MKLN1: variants seen among roughly 807,000 people sequenced by gnomAD.
MKLN1 encodes the protein muskelin 1.
In MKLN1, 18 loss-of-function variants were observed where a neutral mutation model predicts 99.0. The ratio of observed to expected loss-of-function variants is 0.18; its 90% CI spans 0.13 to 0.27. The LOEUF (loss-of-function observed/expected upper bound fraction) is 0.27, where lower values mean the gene tolerates loss of function less well. Ranked by LOEUF, MKLN1 falls within the 10% of genes least tolerant of loss-of-function variation. MKLN1 has a pLI of 1.00. For missense variants in MKLN1, 621 were observed against 875.9 expected (o/e 0.71, Z 3.67); for synonymous variants, 288 against 293.2 (o/e 0.98, Z 0.18).
intron 1 of MKLN1, among the ~76,000 whole-genome samples, chr7:131,352,428 A>C (rs898362099): frequency 6.6e-6 from 1 of 152,156 alleles, no homozygotes; most frequent in Non-Finnish European, 1.5e-5. Flanking sequence ...CTAGGAAATA[A>C]ATTTTTTTAA....
intron 1 of MKLN1, among the ~76,000 whole-genome samples, chr7:131,136,272 C>A (rs1350198349): frequency 1.3e-5 from 2 of 152,132 alleles, no homozygotes; most frequent in African/African-American, 2.4e-5. Flanking sequence ...ACCAAGTCTG[C>A]CTGGTCAGGA....
intron 1 of MKLN1, among the ~76,000 whole-genome samples, chr7:131,343,112 A>G (rs1466530874): frequency 4.6e-5 from 7 of 152,214 alleles, no homozygotes. Context: ...TTAAGGGGAG[A>G]CTTTGAAAGA....
At chr7:131,311,533 G>A (rs1037183829) in intron 3 of MKLN1, among the ~76,000 whole-genome samples, 1 of 152,118 alleles carries the variant, frequency 6.6e-6, no homozygotes, top group Non-Finnish European at 1.5e-5. Context: ...ATTTTAACAT[G>A]CTAAATATGC....
intron 3 of MKLN1, among the ~76,000 whole-genome samples, chr7:131,277,862 A>G (rs931593694): frequency 5.9e-5 from 9 of 152,172 alleles, no homozygotes; most frequent in African/African-American, 1.9e-4. Flanking sequence ...ATATGAATGT[A>G]TTATCACATG....
At chr7:131,340,234 G>A (rs945708553) in intron 1 of MKLN1, among the ~76,000 whole-genome samples, 5 of 145,394 alleles carry the variant, frequency 3.4e-5, no homozygotes, top group Non-Finnish European at 7.5e-5. Flanking sequence ...TTTCATAGCA[G>A]TGTGTACCTA....
At chr7:131,367,910 T>C (rs1467196179) in intron 1 of MKLN1, among the ~76,000 whole-genome samples, 1 of 152,172 alleles carries the variant, frequency 6.6e-6, no homozygotes, top group Non-Finnish European at 1.5e-5. Context: ...AAACAAGGGA[T>C]GTTGAATTGA....
intron 1 of MKLN1, among the ~76,000 whole-genome samples, chr7:131,341,969 A>G (rs896562876): frequency 2.0e-5 from 3 of 152,208 alleles, no homozygotes; most frequent in Non-Finnish European, 4.4e-5. Flanking sequence ...GGATCCCTGC[A>G]TTAGTTGATA....
At chr7:131,369,020 A>T (rs115950437) in intron 1 of MKLN1, among the ~76,000 whole-genome samples, 7,569 of 152,116 alleles carry the variant, frequency 0.05, 251 homozygotes, top group East Asian at 0.19. Context: ...ACACACACAC[A>T]CACATATCTG....
At chr7:131,310,273 C>T (rs1322636817) in intron 3 of MKLN1, 1 of 152,124 alleles carries the variant, frequency 6.6e-6, no homozygotes, top group Non-Finnish European at 1.5e-5. Flanking sequence ...ATTTTAATAC[C>T]TCTCTGGATC....
At chr7:131,279,924 A>T (rs542991286) in intron 3 of MKLN1, among the ~76,000 whole-genome samples, 105 of 152,100 alleles carry the variant, frequency 6.9e-4, no homozygotes, top group Admixed American at 1.2e-3. Flanking sequence ...CCCCCAAAAG[A>T]CCCCTATACC....
chr7:131,433,645 A>G lies in MKLN1; in HGVS notation c.961-4140A>G, dbSNP rs554568576. Among the ~76,000 whole-genome samples, 16 of 152,288 alleles carry G rather than the reference A, an allele frequency of 1.1e-4. No individual in the cohort carries two copies. The South Asian group carries it at 2.1e-3, about 20-fold the overall frequency. On this transcript the variant is annotated intron_variant, in intron 9 of 17. Transcript: ENST00000352689. ...GCTTTGGCACCTTGGCCAAAAATCA[A>G]TTGATCATGTAAGTATATATCTCTT... is the stretch of plus-strand genomic sequence containing the variant.
chr7:131,203,454 A>T (rs1031032058), intron 3 of MKLN1, among the ~76,000 whole-genome samples: 13 of 152,242 alleles, frequency 8.5e-5, no homozygotes, highest in African/African-American at 3.1e-4. Context: ...GGAAAACAAA[A>T]ATATTTTTGT....
intron 3 of MKLN1, among the ~76,000 whole-genome samples, chr7:131,314,248 C>G (rs970614618): frequency 1.3e-5 from 2 of 152,148 alleles, no homozygotes; most frequent in Non-Finnish European, 2.9e-5. Flanking sequence ...TGGAAACTGT[C>G]ATGAAATCTC....
chr7:131,110,762 C>T (rs1333799897), intron 1 of MKLN1, among the ~76,000 whole-genome samples: 2 of 152,208 alleles, frequency 1.3e-5, no homozygotes, highest in Non-Finnish European at 2.9e-5. Flanking sequence ...ATACCTCATT[C>T]GGCTTAAAGG....
At chr7:131,313,670 G>C (rs1798610915) in intron 3 of MKLN1, among the ~76,000 whole-genome samples, 1 of 152,196 alleles carries the variant, frequency 6.6e-6, no homozygotes, top group Admixed American at 6.5e-5. Flanking sequence ...TGGATGCCAA[G>C]GTAATACAAA....
intron 1 of MKLN1, among the ~76,000 whole-genome samples, chr7:131,133,842 T>TTGAGATGAAG (rs1795605375): frequency 7.1e-6 from 1 of 140,062 alleles, no homozygotes; most frequent in African/African-American, 2.6e-5. Flanking sequence ...TTTTTTTTTT[T>TTGAGATGAAG]TTTTGAGACG....
intron 10 of MKLN1, among the ~76,000 whole-genome samples, chr7:131,442,452 C>T (rs1003602071): frequency 3.3e-5 from 5 of 152,046 alleles, no homozygotes; most frequent in African/African-American, 1.2e-4. Context: ...GAGGCTGAGG[C>T]AGGAGAATTG....
chr7:131,142,241 A>C (rs2116260991), intron 1 of MKLN1, among the ~76,000 whole-genome samples: 1 of 152,262 alleles, frequency 6.6e-6, no homozygotes, highest in African/African-American at 2.4e-5. Context: ...CCCTGTCTCT[A>C]CTAAAAATAC....
intron 3 of MKLN1, among the ~76,000 whole-genome samples, chr7:131,284,490 T>C (rs12531566): frequency 0.055 from 8,438 of 152,290 alleles, 301 homozygotes; most frequent in Non-Finnish European, 0.076. Flanking sequence ...GGTGCTCTGT[T>C]GGTAGCATCT....
Sources: allele counts gnomAD v4.1 joint callset (sites outside exome capture counted in the v4.1 genomes callset), GRCh38; gene constraint gnomAD v4.1.1; transcripts MANE v1.5; gene names NCBI Gene and HGNC (gene_info 2026-07-23, HGNC 2026-07-21).